Variants in RAB25 observed in about 807,000 individuals in gnomAD.
RAB25 encodes RAB25, member RAS oncogene family.
A neutral mutation model predicts 25.2 loss-of-function variants in RAB25; 23 were observed. That is an observed-to-expected ratio of 0.91 (90% CI 0.66 to 1.29). The LOEUF is 1.29. Ranked by LOEUF, RAB25 falls within the 50% of genes most tolerant of loss-of-function variation. The pLI is 0.00. For synonymous variants in RAB25, 102 were observed against 111.5 expected (o/e 0.91, Z 0.54); for missense variants, 244 against 277.3 (o/e 0.88, Z 0.85).
chr1:156,063,479 G>A lies in RAB25; in HGVS notation c.43+2036G>A, dbSNP rs184185966. On this transcript the variant is annotated intron_variant, in intron 1 of 4. Coordinates refer to ENST00000361084, the MANE Select transcript of RAB25 (RefSeq NM_020387.4). ...TGTTTTTTTACAAATCAGCACCTGT[G>A]AAAGGAAGGGAGAGGAAACATAATT... Among the ~76,000 whole-genome samples the A allele has an allele frequency of 1.3e-3, 198 of 152,300 alleles. 2 individuals carry two copies. Among genetic ancestry groups the A allele is most frequent in the Admixed American group, 4.7e-3 (72 of 15,288 alleles).
In RAB25 at chr1:156,061,175, C is replaced by T; in HGVS notation, c.-226C>T. ...TCTTCCTGTTCTCAGCTTCCGTCCT[C>T]TCTGCTTCCTTACAGCACCCCCACC... is the stretch of plus-strand genomic sequence containing the variant. On this transcript the variant is annotated 5_prime_UTR_variant, in exon 1 of 5. Transcript: ENST00000361084. The T allele has an allele frequency of 4.1e-6, 2 of 490,324 alleles. No homozygotes were observed. Among genetic ancestry groups the T allele is most frequent in the South Asian group, 5.4e-5 (2 of 37,102 alleles). 30.4% of individuals were successfully genotyped at this position (490,324 alleles called of 1,614,324 possible). A position where few individuals can be genotyped will look rare whatever the true frequency, so the allele number is the denominator to read the frequency against.
chr1:156,065,957 C>T lies in RAB25; in HGVS notation c.90C>T (p.Ser30=), dbSNP rs751761995. The T allele has an allele frequency of 1.9e-6, 3 of 1,613,374 alleles. No homozygotes were observed. Among genetic ancestry groups the T allele is most frequent in the East Asian group, 4.5e-5 (2 of 44,860 alleles). The change falls in exon 2 of 5, where the codon TCC becomes TCT. Residue 30 remains serine, a synonymous_variant. Transcript: ENST00000361084. Reference sequence around the variant, plus strand: ...GTGTGGGGAAGACCAATCTACTCTCCCGATTCACGCGCAATGAGTTCAGCC... The same window carrying T: ...GTGTGGGGAAGACCAATCTACTCTCTCGATTCACGCGCAATGAGTTCAGCC... ...ESGVGKTNLL[S]RFTRNEFSHD... is the part of the protein sequence containing the mutation.
chr1:156,069,387 G>A (rs1647840618), intron 3 of RAB25, among the ~76,000 whole-genome samples: 1 of 151,948 alleles, frequency 6.6e-6, no homozygotes, highest in Non-Finnish European at 1.5e-5. Context: ...CACCATGTTG[G>A]CCAAGCCGGT....
chr1:156,061,570 A>C, intron 1 of RAB25, 127 bp downstream of exon 1: 1 of 1,018,634 alleles, frequency 9.8e-7, no homozygotes, highest in Non-Finnish European at 1.5e-6. Context: ...TCATTCCTTC[A>C]GAAAGAAAGC....
chr1:156,061,467 G>A (rs1647579091), intron 1 of RAB25, 24 bp downstream of exon 1: 2 of 1,610,702 alleles, frequency 1.2e-6, no homozygotes, highest in South Asian at 2.2e-5. Flanking sequence ...CCTGAAGCAA[G>A]AGGAAGCCTG....
Position 156,061,460 on chromosome 1 carries a change from G to A in RAB25, c.43+17G>A, listed in dbSNP as rs762616080. 1.2e-6 allele frequency: 2 copies of A among 1,612,264 alleles called. No individual in the cohort carries two copies. The highest frequency in any genetic ancestry group is 1.7e-6 in the Non-Finnish European group (2 of 1,178,422). On this transcript the variant is annotated intron_variant, in intron 1 of 4. Coordinates refer to ENST00000361084, the MANE Select transcript of RAB25 (RefSeq NM_020387.4). ...TCTTCAAGGGTGAGTTGGGTTCCCT[G>A]AAGCAAGAGGAAGCCTGAGAGACCC... is the stretch of plus-strand genomic sequence containing the variant.
At chr1:156,063,581 A>G (rs1443254771) in intron 1 of RAB25, among the ~76,000 whole-genome samples, 1 of 152,196 alleles carries the variant, frequency 6.6e-6, no homozygotes, top group Non-Finnish European at 1.5e-5. Context: ...TGATTGCCTC[A>G]CCTTGCTTGA....
chr1:156,062,824 C>T (rs376169192), intron 1 of RAB25, among the ~76,000 whole-genome samples: 209 of 152,040 alleles, frequency 1.4e-3, no homozygotes, highest in African/African-American at 4.9e-3. Flanking sequence ...GAGGCCGAGG[C>T]GGCGGGATCA....
At chr1:156,061,902 G>T (rs759663558) in intron 1 of RAB25, among the ~76,000 whole-genome samples, 6 of 151,882 alleles carry the variant, frequency 4.0e-5, no homozygotes, top group Non-Finnish European at 5.9e-5. Flanking sequence ...CTTCTGCCTC[G>T]GCCTCCCAAG....
intron 2 of RAB25, chr1:156,066,322 A>G: frequency 2.4e-6 from 1 of 420,616 alleles, no homozygotes; most frequent in African/African-American, 2.0e-5. Flanking sequence ...AGCAGGAATC[A>G]TTGCCACTTA....
intron 3 of RAB25, 104 bp from the exon 4 acceptor site, chr1:156,069,567 T>A: frequency 1.1e-6 from 1 of 902,842 alleles, no homozygotes; most frequent in South Asian, 1.5e-5. Context: ...ATCTGCTACA[T>A]GCCAAGAGTT....
At chr1:156,069,965 C>A in intron 4 of RAB25, 195 bp from the exon 5 acceptor site, 1 of 916,822 alleles carries the variant, frequency 1.1e-6, no homozygotes, top group Non-Finnish European at 1.7e-6. Context: ...ATGGGGCTGA[C>A]TCTTGGTTCC....
chr1:156,069,558 TCTG>T, intron 3 of RAB25, 110 bp from the exon 4 acceptor site: 1 of 816,386 alleles, frequency 1.2e-6, no homozygotes, highest in Non-Finnish European at 2.0e-6. Flanking sequence ...GATTAAATGA[TCTG>T]CTACATGCCA....
chr1:156,069,686 T>A lies in RAB25; in HGVS notation c.449T>A (p.Leu150His), dbSNP rs375123831. Residue 150 changes from leucine (L) to histidine (H), a missense_variant, in exon 4 of 5, where the codon CTC becomes CAC. Coordinates refer to ENST00000361084, the MANE Select transcript of RAB25 (RefSeq NM_020387.4). ...ARMFAENNGL[L>H]FLETSALDST... is the part of the protein sequence containing the mutation. ...TTCCTGGCAGAAAACAATGGACTGC[T>A]CTTCCTGGAGACCTCAGCCCTGGAC... 6.2e-7 allele frequency: 1 copy of A among 1,612,400 alleles called. No individual in the cohort carries two copies. Among genetic ancestry groups the A allele is most frequent in the Non-Finnish European group, 8.5e-7 (1 of 1,178,402 alleles).
At position 156,070,354 on chromosome 1, in the gene RAB25, C is replaced by T. The variant is rs1572295391; in HGVS notation, c.*67C>T. 1.9e-6 allele frequency: 3 copies of T among 1,568,262 alleles called. No homozygotes were observed. Among genetic ancestry groups the T allele is most frequent in the Admixed American group, 3.7e-5 (2 of 54,624 alleles). On this transcript the variant is annotated 3_prime_UTR_variant, in exon 5 of 5. Transcript: ENST00000361084. ...CCTTGTCCCCACTTCAGCCCCAGGA[C>T]CTTTCCTTGCCCTTTGGTTCCAGAT... is the stretch of plus-strand genomic sequence containing the variant.
Position 156,066,114 on chromosome 1 carries a change from C to A in RAB25, c.239+8C>A. The A allele has an allele frequency of 6.5e-7, 1 of 1,538,156 alleles. No homozygotes were observed. Among genetic ancestry groups the A allele is most frequent in the Non-Finnish European group, 8.8e-7 (1 of 1,133,962 alleles). On this transcript the variant is annotated splice_region_variant and intron_variant, in intron 2 of 4. Transcript: ENST00000361084. ...CCGAGCCATCACCTCGGCGTGAGCC[C>A]GGGCCTGGGGGGCTGCTGGGTGGTG...
intron 1 of RAB25, among the ~76,000 whole-genome samples, chr1:156,061,861 T>C (rs1055398826): frequency 6.6e-6 from 1 of 152,108 alleles, no homozygotes; most frequent in African/African-American, 2.4e-5. Context: ...CTCAGCTCAC[T>C]GCAACCTCCA....
intron 3 of RAB25, 81 bp downstream of exon 3, chr1:156,068,544 C>T: frequency 7.9e-6 from 11 of 1,390,556 alleles, no homozygotes; most frequent in South Asian, 1.3e-5. Context: ...CCTGCCCCCA[C>T]CCATAGAGCC....
intron 2 of RAB25, among the ~76,000 whole-genome samples, chr1:156,066,871 C>T (rs776979177): frequency 2.6e-5 from 4 of 152,004 alleles, no homozygotes; most frequent in Non-Finnish European, 4.4e-5. Context: ...ACCCGGGAGG[C>T]GGAAGTTGCA....
Sources: allele counts gnomAD v4.1 joint callset (sites outside exome capture counted in the v4.1 genomes callset), GRCh38; gene constraint gnomAD v4.1.1; transcripts MANE v1.5; gene names NCBI Gene and HGNC (gene_info 2026-07-23, HGNC 2026-07-21).